Variants in RABEP1 observed in about 807,000 individuals in gnomAD.
The protein encoded by RABEP1 is rabaptin, RAB GTPase binding effector protein 1.
A neutral mutation model predicts 123.4 loss-of-function variants in RABEP1; 51 were observed. The ratio of observed to expected loss-of-function variants is 0.41; its 90% CI spans 0.33 to 0.52. The LOEUF is 0.52. Ranked by LOEUF, RABEP1 falls within the 20% of genes least tolerant of loss-of-function variation. The pLI is 0.16. For synonymous variants in RABEP1, 347 were observed against 355.2 expected (o/e 0.98, Z 0.26); for missense variants, 888 against 996.3 (o/e 0.89, Z 1.46).
At chr17:5,320,440 A>G (rs940323980) in intron 2 of RABEP1, among the ~76,000 whole-genome samples, 12 of 103,304 alleles carry the variant, frequency 1.2e-4, no homozygotes, top group African/African-American at 3.0e-4. Flanking sequence ...AAAAAAAAAA[A>G]AAAAGAAAAA....
At chr17:5,361,014 A>G (rs1343567148) in intron 8 of RABEP1, 194 bp from the exon 9 acceptor site, 1 of 588,270 alleles carries the variant, frequency 1.7e-6, no homozygotes, top group Non-Finnish European at 3.0e-6. Flanking sequence ...TATCTTGCTC[A>G]CAGTTGTATC....
At chr17:5,361,131 A>C in intron 8 of RABEP1, 77 bp from the exon 9 acceptor site, 1 of 1,244,508 alleles carries the variant, frequency 8.0e-7, no homozygotes, top group Non-Finnish European at 1.1e-6. Flanking sequence ...TGAGTGGCGG[A>C]ATACATTTAT....
chr17:5,329,576 TG>T (rs1208068407), intron 2 of RABEP1, among the ~76,000 whole-genome samples: 2 of 152,250 alleles, frequency 1.3e-5, no homozygotes, highest in African/African-American at 4.8e-5. Flanking sequence ...TTTTGAGTCT[TG>T]GTGAAAGCTA....
At chr17:5,319,140 G>A (rs1276171485) in intron 2 of RABEP1, among the ~76,000 whole-genome samples, 1 of 151,824 alleles carries the variant, frequency 6.6e-6, no homozygotes, top group African/African-American at 2.4e-5. Context: ...GACCATCCTG[G>A]CCAACATGGT....
chr17:5,346,104 G>C (rs1184761162), intron 5 of RABEP1, among the ~76,000 whole-genome samples: 1 of 151,956 alleles, frequency 6.6e-6, no homozygotes, highest in Non-Finnish European at 1.5e-5. Context: ...GGGTTTCTCC[G>C]TGTTTCCCAG....
At chr17:5,282,695 C>G (rs1416139190) in intron 1 of RABEP1, among the ~76,000 whole-genome samples, 175 bp downstream of exon 1, 3 of 145,424 alleles carry the variant, frequency 2.1e-5, no homozygotes, top group African/African-American at 2.5e-5. Flanking sequence ...GCGGGCGCCC[C>G]GGCTGCCGTC....
intron 11 of RABEP1, among the ~76,000 whole-genome samples, chr17:5,368,069 T>A (rs960518511): frequency 2.0e-5 from 3 of 152,202 alleles, no homozygotes; most frequent in East Asian, 1.9e-4. Context: ...ATTTTTTTTT[T>A]AAACATCTTT....
intron 7 of RABEP1, among the ~76,000 whole-genome samples, chr17:5,352,831 A>AAAAAAC (rs1004138660): frequency 2.0e-5 from 3 of 152,134 alleles, no homozygotes; most frequent in South Asian, 2.1e-4. Flanking sequence ...ACTCCCTCTC[A>AAAAAAC]AAAAACAAAA....
intron 3 of RABEP1, among the ~76,000 whole-genome samples, chr17:5,333,021 G>A (rs139141121): frequency 1.3e-5 from 2 of 152,176 alleles, no homozygotes; most frequent in East Asian, 1.9e-4. Flanking sequence ...ATGACCTTTC[G>A]TCTAAAAGAA....
chr17:5,359,851 C>A (rs1009230973), intron 8 of RABEP1, among the ~76,000 whole-genome samples: 4 of 152,150 alleles, frequency 2.6e-5, no homozygotes, highest in Non-Finnish European at 4.4e-5. Flanking sequence ...AAACTTGTTA[C>A]ATTTTTCTTT....
intron 8 of RABEP1, among the ~76,000 whole-genome samples, chr17:5,358,672 G>GAAA (rs10638024): frequency 1.1e-4 from 16 of 142,160 alleles, no homozygotes; most frequent in East Asian, 6.1e-4. Flanking sequence ...CTGTCTCCAG[G>GAAA]AAAAAAAAAA....
intron 7 of RABEP1, among the ~76,000 whole-genome samples, chr17:5,351,246 CTTATCT>C (rs1335139436): frequency 6.6e-6 from 1 of 151,892 alleles, no homozygotes; most frequent in Non-Finnish European, 1.5e-5. Context: ...CTGTTTTCTC[CTTATCT>C]TTTAGTTATT....
chr17:5,354,936 A>G (rs1333193452), intron 8 of RABEP1, among the ~76,000 whole-genome samples: 1 of 152,188 alleles, frequency 6.6e-6, no homozygotes, highest in Non-Finnish European at 1.5e-5. Context: ...TTTGGCAGAT[A>G]ACACCACAGG....
At chr17:5,337,359 C>T (rs1194469030) in intron 4 of RABEP1, among the ~76,000 whole-genome samples, 1 of 152,078 alleles carries the variant, frequency 6.6e-6, no homozygotes, top group Non-Finnish European at 1.5e-5. Flanking sequence ...AAATTATTGT[C>T]TCATGAACTT....
In RABEP1 at chr17:5,384,753, A is replaced by T. The variant is rs1806219; in HGVS notation, c.*1530A>T. 4.7e-6 allele frequency: 1 copy of T among 212,708 alleles called. No individual in the cohort carries two copies. The highest frequency in any genetic ancestry group is 7.3e-5 in the East Asian group (1 of 13,628). 13.2% of individuals were successfully genotyped at this position (212,708 alleles called of 1,614,324 possible). On this transcript the variant is annotated 3_prime_UTR_variant, in exon 18 of 18. Coordinates refer to ENST00000537505, the MANE Select transcript of RABEP1 (RefSeq NM_004703.6). Reference sequence around the variant, plus strand: ...GGAAATAGTACTAAAGGCTTGCCGCACATGAAACATTATTTTAATTGGTTT... The same window carrying T: ...GGAAATAGTACTAAAGGCTTGCCGCTCATGAAACATTATTTTAATTGGTTT...
chr17:5,365,105 C>A lies in RABEP1; in HGVS notation c.1669-17C>A. ...AAAGGATTCTGGTTTTTCTAATTGA[C>A]TTTTAAAATGATACAGGTGAAAAAA... On this transcript the variant is annotated splice_polypyrimidine_tract_variant and intron_variant, in intron 10 of 17. Coordinates refer to ENST00000537505, the MANE Select transcript of RABEP1 (RefSeq NM_004703.6). The A allele has an allele frequency of 1.3e-6, 2 of 1,497,252 alleles. No homozygotes were observed. The highest frequency in any genetic ancestry group is 1.8e-6 in the Non-Finnish European group (2 of 1,112,656). 92.7% of individuals were successfully genotyped at this position (1,497,252 alleles called of 1,614,324 possible).
chr17:5,378,425 C>T (rs995797279), intron 15 of RABEP1, 193 bp downstream of exon 15: 16 of 662,772 alleles, frequency 2.4e-5, no homozygotes, highest in East Asian at 1.7e-4. Context: ...TGTCAGGCTA[C>T]GTTAAACTGG....
chr17:5,385,170 T>A lies in RABEP1; in HGVS notation c.*1947T>A, dbSNP rs187716330. 33 of 229,914 alleles carry A rather than the reference T, an allele frequency of 1.4e-4. No individual in the cohort carries two copies. In the East Asian group the frequency reaches 1.7e-3, roughly 12 times the overall value. The allele number at this position is 229,914 out of a possible 1,614,324, so 14.2% of individuals were successfully genotyped here. ...ATTGTAGAAAAACCCAAACTGAGAC[T>A]CTTAAGTTTTGTTTAGCAATGTGTT... is the stretch of plus-strand genomic sequence containing the variant. On this transcript the variant is annotated 3_prime_UTR_variant, in exon 18 of 18. Coordinates refer to ENST00000537505, the MANE Select transcript of RABEP1 (RefSeq NM_004703.6).
chr17:5,291,390 C>T (rs1005381137), intron 1 of RABEP1, among the ~76,000 whole-genome samples: 6 of 151,880 alleles, frequency 4.0e-5, no homozygotes, highest in East Asian at 1.9e-4. Flanking sequence ...CCAGCCCGGG[C>T]GACAGTGCGA....
Sources: gnomAD v4.1 joint callset for allele counts (sites outside exome capture counted in the v4.1 genomes callset) on GRCh38, gnomAD v4.1.1 for gene constraint, MANE v1.5 for transcripts, NCBI Gene and HGNC (gene_info 2026-07-23, HGNC 2026-07-21) for gene names.